NRXN3: variants seen among roughly 807,000 people sequenced by gnomAD.
The protein encoded by NRXN3 is neurexin III.
A neutral mutation model predicts 137.6 loss-of-function variants in NRXN3; 32 were observed. The ratio of observed to expected loss-of-function variants is 0.23; its 90% CI spans 0.18 to 0.31. NRXN3 has a LOEUF of 0.31. Among genes scored for constraint, NRXN3 ranks in the 10% least tolerant of loss-of-function variants. NRXN3 has a pLI of 1.00. For synonymous variants in NRXN3, 798 were observed against 784.5 expected, an observed-to-expected ratio of 1.02 and a Z score of -0.29; for missense variants, 1,574 against 2,062.5, an observed-to-expected ratio of 0.76 and a Z score of 4.59.
chr14:78,772,437 C>A (rs939447805), intron 8 of NRXN3, among the ~76,000 whole-genome samples: 4 of 152,100 alleles, frequency 2.6e-5, no homozygotes, highest in African/African-American at 7.2e-5. Context: ...CATAGATACT[C>A]CAGAAAAGTG....
At chr14:79,763,143 A>T (rs2099044391) in intron 19 of NRXN3, among the ~76,000 whole-genome samples, 1 of 150,168 alleles carries the variant, frequency 6.7e-6, no homozygotes, top group Non-Finnish European at 1.5e-5. Context: ...TTCCTGTGTT[A>T]GTTTGCTGAA....
At chr14:79,522,952 A>T (rs1387731430) in intron 16 of NRXN3, among the ~76,000 whole-genome samples, 1 of 150,808 alleles carries the variant, frequency 6.6e-6, no homozygotes, top group African/African-American at 2.5e-5. Flanking sequence ...TGACTATCAG[A>T]TAACCAACTC....
At chr14:78,896,656 A>G (rs1196121127) in intron 10 of NRXN3, among the ~76,000 whole-genome samples, 1 of 151,912 alleles carries the variant, frequency 6.6e-6, no homozygotes, top group Non-Finnish European at 1.5e-5. Context: ...GGCAAAATGC[A>G]TTGGTAGAAA....
At chr14:78,998,443 G>A (rs763949426) in intron 15 of NRXN3, among the ~76,000 whole-genome samples, 22 of 152,134 alleles carry the variant, frequency 1.4e-4, no homozygotes, top group African/African-American at 4.3e-4. Flanking sequence ...TTAGGGAAAA[G>A]CCTTCAACTC....
At chr14:78,783,557 A>T (rs1197495104) in intron 8 of NRXN3, among the ~76,000 whole-genome samples, 1 of 152,220 alleles carries the variant, frequency 6.6e-6, no homozygotes, top group Non-Finnish European at 1.5e-5. Flanking sequence ...GCTATGATTG[A>T]TAATCATACC....
chr14:78,447,841 T>A (rs1437387475), intron 4 of NRXN3, among the ~76,000 whole-genome samples: 1 of 152,210 alleles, frequency 6.6e-6, no homozygotes, highest in Non-Finnish European at 1.5e-5. Context: ...ATCTGTGAAA[T>A]GGGCTCAGTA....
intron 15 of NRXN3, chr14:78,988,385 G>A: frequency 2.1e-6 from 1 of 478,340 alleles, no homozygotes; most frequent in South Asian, 2.2e-5. Flanking sequence ...GATTAGAATA[G>A]CGACTGAGAA....
intron 4 of NRXN3, among the ~76,000 whole-genome samples, chr14:78,483,819 T>A (rs993666316): frequency 2.6e-5 from 4 of 152,090 alleles, no homozygotes; most frequent in African/African-American, 9.7e-5. Context: ...ATGAGAAAAC[T>A]GAGGCCTAGA....
chr14:79,096,419 C>G (rs541610272), intron 15 of NRXN3, among the ~76,000 whole-genome samples: 1 of 151,902 alleles, frequency 6.6e-6, no homozygotes, highest in South Asian at 2.1e-4. Context: ...TTCCGCCTCT[C>G]TTTTTTTTAA....
At chr14:78,841,250 C>G (rs2099011540) in intron 10 of NRXN3, among the ~76,000 whole-genome samples, 1 of 152,026 alleles carries the variant, frequency 6.6e-6, no homozygotes, top group African/African-American at 2.4e-5. Flanking sequence ...AGAAATCTGT[C>G]TTTGGCTTTG....
At chr14:78,777,347 A>G (rs555932143) in intron 8 of NRXN3, among the ~76,000 whole-genome samples, 3 of 152,062 alleles carry the variant, frequency 2.0e-5, no homozygotes, top group Admixed American at 6.5e-5. Flanking sequence ...AATTCCTGCC[A>G]TTTTCTTGGG....
At chr14:79,632,063 T>C (rs917552438) in intron 16 of NRXN3, among the ~76,000 whole-genome samples, 1 of 152,102 alleles carries the variant, frequency 6.6e-6, no homozygotes, top group Non-Finnish European at 1.5e-5. Flanking sequence ...CTGTGGAAGC[T>C]TTGTTCTTTC....
At chr14:79,412,517 G>A (rs1046811568) in intron 15 of NRXN3, among the ~76,000 whole-genome samples, 1 of 151,838 alleles carries the variant, frequency 6.6e-6, no homozygotes, top group Non-Finnish European at 1.5e-5. Flanking sequence ...AGTGGCTCAC[G>A]CCTGTAATCC....
intron 19 of NRXN3, among the ~76,000 whole-genome samples, chr14:79,773,687 G>T (rs962668528): frequency 6.6e-6 from 1 of 151,000 alleles, no homozygotes; most frequent in African/African-American, 2.4e-5. Context: ...TAGACGATGA[G>T]TTAGTGGGCA....
At chr14:78,711,304 C>G (rs1006422072) in intron 7 of NRXN3, among the ~76,000 whole-genome samples, 1 of 151,780 alleles carries the variant, frequency 6.6e-6, no homozygotes, top group Non-Finnish European at 1.5e-5. Flanking sequence ...TTCTTTCAAA[C>G]AATTTTGAAC....
At chr14:79,391,217 C>A (rs771402041) in intron 15 of NRXN3, among the ~76,000 whole-genome samples, 7 of 151,834 alleles carry the variant, frequency 4.6e-5, no homozygotes, top group African/African-American at 9.7e-5. Flanking sequence ...CTGTAGTGAA[C>A]TTTAGAATAT....
intron 16 of NRXN3, among the ~76,000 whole-genome samples, chr14:79,529,994 A>C (rs979185936): frequency 6.6e-6 from 1 of 152,190 alleles, no homozygotes; most frequent in Non-Finnish European, 1.5e-5. Context: ...TTGCTTTGAA[A>C]TTGTACTTTC....
At chr14:78,863,734 A>C (rs908282242) in intron 10 of NRXN3, among the ~76,000 whole-genome samples, 1 of 152,140 alleles carries the variant, frequency 6.6e-6, no homozygotes, top group Non-Finnish European at 1.5e-5. Flanking sequence ...GGAGCCTTTA[A>C]TTCATTTAAT....
At chr14:79,319,168 TC>T (rs1309079386) in intron 15 of NRXN3, among the ~76,000 whole-genome samples, 1 of 152,228 alleles carries the variant, frequency 6.6e-6, no homozygotes, top group Non-Finnish European at 1.5e-5. Context: ...GGACTTGGAA[TC>T]CACATTCCCT....
Sources: allele counts gnomAD v4.1 joint callset (sites outside exome capture counted in the v4.1 genomes callset), GRCh38; gene constraint gnomAD v4.1.1; transcripts MANE v1.5; gene names NCBI Gene and HGNC (gene_info 2026-07-23, HGNC 2026-07-21).